The following RIMKLB variants were observed in gnomAD, a reference collection of about 807,000 sequenced individuals.
The protein encoded by RIMKLB is ribosomal modification protein rimK like family member B, also known as beta-citrylglutamate synthase B.
Under a neutral mutation model 32.0 loss-of-function variants are expected in RIMKLB, and 7 were observed. The ratio of observed to expected loss-of-function variants is 0.22; its 90% CI spans 0.12 to 0.41. RIMKLB has a LOEUF of 0.41. Ranked by LOEUF, RIMKLB falls within the 10% of genes least tolerant of loss-of-function variation. The pLI is 1.00. For synonymous variants in RIMKLB, 172 were observed against 185.1 expected (o/e 0.93, Z 0.57); for missense variants, 289 against 498.7 (o/e 0.58, Z 4.00).
intron 5 of RIMKLB, among the ~76,000 whole-genome samples, chr12:8,771,802 CATTA>C (rs765127522): frequency 1.1e-4 from 17 of 152,158 alleles, no homozygotes; most frequent in Non-Finnish European, 1.5e-4. Flanking sequence ...AAAATGTCTT[CATTA>C]ATTATTGCCT....
intron 5 of RIMKLB, among the ~76,000 whole-genome samples, chr12:8,755,696 A>G (rs138114634): frequency 6.6e-5 from 10 of 152,276 alleles, no homozygotes; most frequent in East Asian, 3.9e-4. Context: ...ATTGCAAGTC[A>G]AATCAGCCTT....
At position 8,774,204 on chromosome 12, in the gene RIMKLB, A is replaced by G. The variant is rs1950598799; in HGVS notation, c.*420A>G. The G allele has an allele frequency of 1.0e-6, 1 of 983,764 alleles. No homozygotes were observed. The highest frequency in any genetic ancestry group is 1.8e-5 in the African/African-American group (1 of 57,052). 60.9% of individuals were successfully genotyped at this position (983,764 alleles called of 1,614,324 possible). On this transcript the variant is annotated 3_prime_UTR_variant, in exon 6 of 6. Transcript: ENST00000535829. ...AAGATTTGTCATCAGTGAGGAAAAC[A>G]TCTGCATAAATTACAGGAATTTTTG...
intron 2 of RIMKLB, among the ~76,000 whole-genome samples, chr12:8,743,572 CA>C (rs942861791): frequency 6.6e-6 from 1 of 151,356 alleles, no homozygotes; most frequent in Non-Finnish European, 1.5e-5. Flanking sequence ...ACTCTGCTTT[CA>C]AAAAAACAGA....
At chr12:8,732,756 T>TACACACACACACACACACACAC (rs775849283) in intron 2 of RIMKLB, among the ~76,000 whole-genome samples, 237 of 150,070 alleles carry the variant, frequency 1.6e-3, no homozygotes, top group African/African-American at 5.0e-3. Context: ...TATATATATA[T>TACACACACACACACACACACAC]ACACACACAC....
At chr12:8,708,020 A>C (rs1002656199) in intron 1 of RIMKLB, among the ~76,000 whole-genome samples, 2 of 152,228 alleles carry the variant, frequency 1.3e-5, no homozygotes, top group African/African-American at 2.4e-5. Flanking sequence ...GTATGTTACA[A>C]TAGAATTCTA....
intron 5 of RIMKLB, among the ~76,000 whole-genome samples, chr12:8,763,209 T>G (rs1433002649): frequency 6.6e-6 from 1 of 152,362 alleles, no homozygotes; most frequent in South Asian, 2.1e-4. Flanking sequence ...ATCAGTTTCC[T>G]TACTCAGGTA....
intron 1 of RIMKLB, among the ~76,000 whole-genome samples, chr12:8,701,007 G>A (rs187847813): frequency 1.3e-5 from 2 of 152,154 alleles, no homozygotes; most frequent in South Asian, 2.1e-4. Flanking sequence ...TGGAGGTTGC[G>A]GTGAGCCGAA....
chr12:8,751,554 C>T (rs1189857572), intron 3 of RIMKLB, among the ~76,000 whole-genome samples: 4 of 151,998 alleles, frequency 2.6e-5, no homozygotes, highest in African/African-American at 9.7e-5. Context: ...GTGTGTGCAG[C>T]ATCTCTTCAA....
At chr12:8,747,561 C>G (rs1035366432) in intron 2 of RIMKLB, among the ~76,000 whole-genome samples, 1 of 151,960 alleles carries the variant, frequency 6.6e-6, no homozygotes, top group African/African-American at 2.4e-5. Flanking sequence ...GAGCAAGGAC[C>G]TTATTTTATT....
At chr12:8,762,331 C>G (rs1019374615) in intron 5 of RIMKLB, among the ~76,000 whole-genome samples, 26 of 152,118 alleles carry the variant, frequency 1.7e-4, no homozygotes, top group African/African-American at 6.0e-4. Flanking sequence ...GTGAGGTTCC[C>G]CATTCTATTT....
chr12:8,771,874 TTTTTG>T (rs917827779), intron 5 of RIMKLB, among the ~76,000 whole-genome samples: 3 of 151,988 alleles, frequency 2.0e-5, no homozygotes, highest in Non-Finnish European at 2.9e-5. Context: ...TCCAGTTTTG[TTTTTG>T]TTTTGTTTTG....
At chr12:8,691,706 T>C (rs1328198230) in intron 1 of RIMKLB, among the ~76,000 whole-genome samples, 3 of 152,224 alleles carry the variant, frequency 2.0e-5, no homozygotes, top group Non-Finnish European at 4.4e-5. Context: ...GAACATAGGA[T>C]AACCACATGA....
In RIMKLB at chr12:8,774,170, T is replaced by A; in HGVS notation, c.*386T>A. 1.0e-6 allele frequency: 1 copy of A among 997,048 alleles called. No individual in the cohort carries two copies. The highest frequency in any genetic ancestry group is 4.4e-5 in the South Asian group (1 of 22,702). The allele number at this position is 997,048 out of a possible 1,614,324, so 61.8% of individuals were successfully genotyped here. A position where few individuals can be genotyped will look rare whatever the true frequency, so the allele number is the denominator to read the frequency against. On this transcript the variant is annotated 3_prime_UTR_variant, in exon 6 of 6. Coordinates refer to ENST00000535829, the MANE Select transcript of RIMKLB (RefSeq NM_001297776.2). Reference sequence around the variant, plus strand: ...AATATCCAAGTAGCATAACTTCACATTGTGTTGGAAGATTTGTCATCAGTG... The same window carrying A: ...AATATCCAAGTAGCATAACTTCACAATGTGTTGGAAGATTTGTCATCAGTG...
chr12:8,728,911 C>T (rs12099874), intron 2 of RIMKLB, among the ~76,000 whole-genome samples: 5,037 of 152,126 alleles, frequency 0.033, 282 homozygotes, highest in African/African-American at 0.11. Context: ...TCTCCCTGAC[C>T]GCTTTGTGGG....
chr12:8,740,402 A>T (rs1157977760), intron 2 of RIMKLB, among the ~76,000 whole-genome samples: 3 of 151,960 alleles, frequency 2.0e-5, no homozygotes, highest in Non-Finnish European at 4.4e-5. Context: ...TACATGGGTA[A>T]GTTCTTTAGT....
chr12:8,777,085 C>T lies in RIMKLB; in HGVS notation c.*3301C>T. 1.0e-6 allele frequency: 1 copy of T among 985,850 alleles called. No individual in the cohort carries two copies. The highest frequency in any genetic ancestry group is 1.2e-6 in the Non-Finnish European group (1 of 830,028). The allele number at this position is 985,850 out of a possible 1,614,324, so 61.1% of individuals were successfully genotyped here. The stretch of plus-strand genomic sequence containing the variant: ...ATGTAGGTGCTCAGACAGGTAACCA[C>T]TGCTGCTACTGTTTTTATTTGTTTG... On this transcript the variant is annotated 3_prime_UTR_variant, in exon 6 of 6. Transcript: ENST00000535829.
chr12:8,774,936 CA>C lies in RIMKLB; in HGVS notation c.*1157del. 1 of 985,648 alleles carries C rather than the reference CA, an allele frequency of 1.0e-6. No individual in the cohort carries two copies. The highest frequency in any genetic ancestry group is 1.2e-6 in the Non-Finnish European group (1 of 829,860). The allele number at this position is 985,648 out of a possible 1,614,324, so 61.1% of individuals were successfully genotyped here. On this transcript the variant is annotated 3_prime_UTR_variant, in exon 6 of 6. Transcript: ENST00000535829. ...TTGCTTTTTGTTTCCATCAACTAAT[CA>C]AAAAGGATAATTTAGAAAATGGAGC...
intron 2 of RIMKLB, among the ~76,000 whole-genome samples, chr12:8,729,230 A>G (rs764032933): frequency 6.6e-6 from 1 of 152,120 alleles, no homozygotes; most frequent in East Asian, 1.9e-4. Flanking sequence ...TTGGCACCCA[A>G]GTTCTTGTCC....
chr12:8,735,476 A>G (rs1439411289), intron 2 of RIMKLB, among the ~76,000 whole-genome samples: 2 of 151,688 alleles, frequency 1.3e-5, no homozygotes, highest in African/African-American at 2.4e-5. Flanking sequence ...GTGATCTGCC[A>G]GCCTCAGCCT....
Sources: allele counts gnomAD v4.1 joint callset (sites outside exome capture counted in the v4.1 genomes callset), GRCh38; gene constraint gnomAD v4.1.1; transcripts MANE v1.5; gene names NCBI Gene and HGNC (gene_info 2026-07-23, HGNC 2026-07-21).